ZNF385D: variants seen among roughly 807,000 people sequenced by gnomAD.
The protein encoded by ZNF385D is zinc finger protein 385D.
ZNF385D carries 15 observed loss-of-function variants against 35.8 expected under a neutral mutation model. The ratio of observed to expected loss-of-function variants is 0.42; its 90% CI spans 0.28 to 0.64. ZNF385D has a LOEUF of 0.64. Among genes scored for constraint, ZNF385D ranks in the 30% least tolerant of loss-of-function variants. The pLI is 0.23. For missense variants in ZNF385D, 474 were observed against 494.6 expected (o/e 0.96, Z 0.39); for synonymous variants, 212 against 186.8 (o/e 1.13, Z -1.10).
At chr3:22,182,744 TAAAAG>T (rs1391115192) in intron 2 of ZNF385D, among the ~76,000 whole-genome samples, 3 of 152,142 alleles carry the variant, frequency 2.0e-5, no homozygotes, top group African/African-American at 7.2e-5. Context: ...TCTAGACTGT[TAAAAG>T]AATCCAAATT....
intron 1 of ZNF385D, among the ~76,000 whole-genome samples, chr3:21,668,897 TA>T (rs756943264): frequency 3.3e-4 from 50 of 152,228 alleles, no homozygotes; most frequent in Non-Finnish European, 5.4e-4. Context: ...TTACTTATCA[TA>T]AAATTATCTT....
At chr3:21,712,959 C>G (rs1031345613) in intron 1 of ZNF385D, among the ~76,000 whole-genome samples, 1 of 152,190 alleles carries the variant, frequency 6.6e-6, no homozygotes, top group East Asian at 1.9e-4. Flanking sequence ...TGCACAAACA[C>G]TATTTCCAAC....
chr3:21,976,715 T>C, intron 3 of ZNF385D, among the ~76,000 whole-genome samples: 1 of 152,190 alleles, frequency 6.6e-6, no homozygotes, highest in Non-Finnish European at 1.5e-5. Flanking sequence ...ATAAACCAGC[T>C]GGGCAGGTGT....
chr3:22,301,425 T>A (rs1412000309), intron 2 of ZNF385D, among the ~76,000 whole-genome samples: 2 of 152,092 alleles, frequency 1.3e-5, no homozygotes, highest in Non-Finnish European at 2.9e-5. Context: ...GAGTGAATTT[T>A]AAGTCTTCTC....
chr3:22,306,518 TAAC>T (rs1238981219), intron 2 of ZNF385D, among the ~76,000 whole-genome samples: 1 of 152,004 alleles, frequency 6.6e-6, no homozygotes, highest in Non-Finnish European at 1.5e-5. Flanking sequence ...CTCCATTAAA[TAAC>T]AACCTTCATA....
intron 4 of ZNF385D, among the ~76,000 whole-genome samples, chr3:21,494,900 A>G (rs1222890534): frequency 6.6e-6 from 1 of 152,218 alleles, no homozygotes; most frequent in Non-Finnish European, 1.5e-5. Context: ...AATACTGGTT[A>G]ACAATATCTG....
intron 3 of ZNF385D, among the ~76,000 whole-genome samples, chr3:21,815,600 G>A (rs1283912903): frequency 1.3e-5 from 2 of 152,090 alleles, no homozygotes; most frequent in African/African-American, 2.4e-5. Flanking sequence ...AAAACTTCTG[G>A]ACACACACAC....
chr3:21,893,312 A>C (rs537816872), intron 3 of ZNF385D, among the ~76,000 whole-genome samples: 1 of 152,304 alleles, frequency 6.6e-6, no homozygotes, highest in South Asian at 2.1e-4. Flanking sequence ...CATTTATGGA[A>C]GGGAAGGAGG....
chr3:21,676,312 C>A (rs780246365), intron 1 of ZNF385D, among the ~76,000 whole-genome samples: 1 of 152,072 alleles, frequency 6.6e-6, no homozygotes, highest in Non-Finnish European at 1.5e-5. Context: ...ACATTCCCTG[C>A]GGAGCTGACT....
chr3:22,225,000 T>G (rs1698470515), intron 2 of ZNF385D, among the ~76,000 whole-genome samples: 1 of 152,024 alleles, frequency 6.6e-6, no homozygotes. Flanking sequence ...TTCCTAATAG[T>G]GCTTATTCTC....
chr3:21,781,681 TAAAC>T (rs1559616591), intron 3 of ZNF385D, among the ~76,000 whole-genome samples: 1 of 152,036 alleles, frequency 6.6e-6, no homozygotes, highest in African/African-American at 2.4e-5. Context: ...CCAGACACCT[TAAAC>T]AAACACGTAA....
chr3:22,306,786 A>G (rs898625178), intron 2 of ZNF385D, among the ~76,000 whole-genome samples: 14 of 152,184 alleles, frequency 9.2e-5, no homozygotes, highest in African/African-American at 3.4e-4. Context: ...TTTCCAGGCT[A>G]GGCTTACTGG....
At chr3:21,442,005 T>C (rs957968077) in intron 4 of ZNF385D, among the ~76,000 whole-genome samples, 31 of 152,092 alleles carry the variant, frequency 2.0e-4, no homozygotes, top group African/African-American at 7.2e-4. Context: ...TCAAAACAGG[T>C]TGCTAATACG....
chr3:22,342,813 C>T (rs1385903237), intron 2 of ZNF385D, among the ~76,000 whole-genome samples: 1 of 152,176 alleles, frequency 6.6e-6, no homozygotes. Context: ...TGCCCAAAGT[C>T]GTTTTGGAAA....
intron 3 of ZNF385D, among the ~76,000 whole-genome samples, chr3:21,799,718 T>A (rs1289007815): frequency 6.6e-6 from 1 of 152,176 alleles, no homozygotes; most frequent in Admixed American, 6.6e-5. Flanking sequence ...TTTCTGTAGG[T>A]TGTATTTCAC....
intron 2 of ZNF385D, among the ~76,000 whole-genome samples, chr3:21,626,312 T>C (rs2065132607): frequency 6.6e-6 from 1 of 152,114 alleles, no homozygotes; most frequent in Admixed American, 6.6e-5. Context: ...GAGCTGCTAC[T>C]GTGCCAGAAA....
chr3:22,059,744 A>T (rs1699597003), intron 3 of ZNF385D, among the ~76,000 whole-genome samples: 1 of 152,182 alleles, frequency 6.6e-6, no homozygotes, highest in African/African-American at 2.4e-5. Flanking sequence ...CCCAGGGCCT[A>T]ACCACCCATA....
chr3:21,936,016 G>A (rs188397478), intron 3 of ZNF385D, among the ~76,000 whole-genome samples: 5 of 152,198 alleles, frequency 3.3e-5, no homozygotes, highest in Admixed American at 2.0e-4. Flanking sequence ...GAAGATGAAA[G>A]CCATTTCATC....
chr3:22,154,030 C>T (rs1293790864), intron 3 of ZNF385D, among the ~76,000 whole-genome samples: 1 of 152,202 alleles, frequency 6.6e-6, no homozygotes, highest in African/African-American at 2.4e-5. Flanking sequence ...CTTTCCATTT[C>T]ATTTTCTTGT....
Sources: allele counts gnomAD v4.1 joint callset (sites outside exome capture counted in the v4.1 genomes callset), GRCh38; gene constraint gnomAD v4.1.1; transcripts MANE v1.5; gene names NCBI Gene and HGNC (gene_info 2026-07-23, HGNC 2026-07-21).